ARMH3: variants seen among roughly 807,000 people sequenced by gnomAD.
ARMH3 encodes the protein armadillo-like helical domain-containing protein 3.
A neutral mutation model predicts 99.1 loss-of-function variants in ARMH3; 60 were observed. The observed-to-expected ratio is 0.61, with a 90% CI of 0.49 to 0.75. The LOEUF (loss-of-function observed/expected upper bound fraction) is 0.75, where lower values mean the gene tolerates loss of function less well. Ranked by LOEUF, ARMH3 falls within the 30% of genes least tolerant of loss-of-function variation. The pLI, the probability that ARMH3 is intolerant of heterozygous loss-of-function variation, is 0.00. For synonymous variants in ARMH3, 285 were observed against 292.8 expected (o/e 0.97, Z 0.27); for missense variants, 679 against 843.1 (o/e 0.81, Z 2.41).
rs752572044 is a variant in ARMH3 at position 102,006,544 on chromosome 10, A to C, written c.1044T>G (p.Ser348=). The C allele has an allele frequency of 5.6e-6, 9 of 1,613,436 alleles. No homozygotes were observed. In the African/African-American group the frequency reaches 1.1e-4, roughly 19 times the overall value. Residue 348 remains serine (S), a synonymous_variant, in exon 14 of 26, where the codon TCT becomes TCG. Transcript: ENST00000370033. ...ACAAAGTGGTGGTGGGCTCACCATC[A>C]GAGGAAGGCGGTGTGGTCCCAAGTG... The part of the protein sequence containing the change: ...VTPLGTTPPS[S]DVISSVELPL...
chr10:101,913,597 C>T (rs1177985138), intron 23 of ARMH3, among the ~76,000 whole-genome samples: 2 of 152,110 alleles, frequency 1.3e-5, no homozygotes, highest in African/African-American at 4.8e-5. Flanking sequence ...AACTCCTGGG[C>T]TCAAGTGATC....
chr10:101,976,325 G>A (rs1284545417), intron 19 of ARMH3, among the ~76,000 whole-genome samples: 1 of 150,172 alleles, frequency 6.7e-6, no homozygotes, highest in Admixed American at 6.6e-5. Context: ...GAGCGAAAGG[G>A]CAAGACTGTC....
At chr10:101,913,644 G>T (rs1254414275) in intron 23 of ARMH3, among the ~76,000 whole-genome samples, 1 of 152,190 alleles carries the variant, frequency 6.6e-6, no homozygotes, top group African/African-American at 2.4e-5. Context: ...GGGATTATAG[G>T]CGTAAGCCAC....
At chr10:101,998,923 G>C (rs1486973046) in intron 15 of ARMH3, among the ~76,000 whole-genome samples, 1 of 152,118 alleles carries the variant, frequency 6.6e-6, no homozygotes, top group Non-Finnish European at 1.5e-5. Flanking sequence ...AAGTGGAAAT[G>C]GTTTTTTTGT....
Position 101,849,783 on chromosome 10 carries a change from T to G in ARMH3, c.1970A>C (p.Lys657Thr). ...AGGCGGTGGGGCACTCACCAGCTCT[T>G]TGAAGAAGGCAGCTTCCTTGTGCTG... ...SEQHKEAAFFKELVRSISTNV... is the reference protein window; with the variant it reads ...SEQHKEAAFFTELVRSISTNV... Residue 657 changes from lysine to threonine, a missense_variant, in exon 25 of 26, where the codon AAA becomes ACA. Lys to Thr is a moderately conservative substitution (Grantham distance 78). Coordinates refer to ENST00000370033, the MANE Select transcript of ARMH3 (RefSeq NM_024541.3). 6.2e-7 allele frequency: 1 copy of G among 1,613,944 alleles called. No individual in the cohort carries two copies. Among genetic ancestry groups the G allele is most frequent in the African/African-American group, 1.3e-5 (1 of 75,048 alleles).
chr10:102,011,954 T>C (rs374539699), intron 10 of ARMH3, among the ~76,000 whole-genome samples, 171 bp from the exon 11 acceptor site: 3 of 152,200 alleles, frequency 2.0e-5, no homozygotes, highest in East Asian at 3.8e-4. Flanking sequence ...GAGTCACCTG[T>C]CTGCTCTTGA....
chr10:102,050,394 G>A (rs1473565302), intron 1 of ARMH3, among the ~76,000 whole-genome samples: 1 of 152,008 alleles, frequency 6.6e-6, no homozygotes. Context: ...CTTGCAGTAA[G>A]CCGAGATCGC....
intron 2 of ARMH3, among the ~76,000 whole-genome samples, chr10:102,035,503 G>A (rs1226170406): frequency 1.3e-5 from 2 of 152,222 alleles, no homozygotes; most frequent in Non-Finnish European, 2.9e-5. Flanking sequence ...CAACCTCCCT[G>A]CCTGATTCTC....
At chr10:101,983,512 G>T (rs936335031) in intron 19 of ARMH3, among the ~76,000 whole-genome samples, 1 of 152,120 alleles carries the variant, frequency 6.6e-6, no homozygotes, top group Non-Finnish European at 1.5e-5. Context: ...ATCTACCTCA[G>T]CCTCCCAAAG....
At chr10:102,036,409 CG>C (rs914472891) in intron 2 of ARMH3, among the ~76,000 whole-genome samples, 1 of 152,072 alleles carries the variant, frequency 6.6e-6, no homozygotes, top group African/African-American at 2.4e-5. Flanking sequence ...GCCATGATGA[CG>C]ATGGCGGTTT....
chr10:102,030,661 ATC>A (rs2067107308), intron 4 of ARMH3, among the ~76,000 whole-genome samples: 1 of 152,132 alleles, frequency 6.6e-6, no homozygotes, highest in African/African-American at 2.4e-5. Flanking sequence ...GTGAGCCGAG[ATC>A]GCTCCATTGC....
intron 8 of ARMH3, among the ~76,000 whole-genome samples, chr10:102,020,877 GT>G (rs2066870178): frequency 6.7e-6 from 1 of 149,560 alleles, no homozygotes; most frequent in South Asian, 2.1e-4. Context: ...GTCTATAGTA[GT>G]ATACAGTAAT....
At position 101,873,516 on chromosome 10, in the gene ARMH3, C is replaced by T. The variant is rs568529532; in HGVS notation, c.1860+15896G>A. On this transcript the variant is annotated intron_variant, in intron 24 of 25. Coordinates refer to ENST00000370033, the MANE Select transcript of ARMH3 (RefSeq NM_024541.3). ...TAGTTTATATATTATAAAATTCATTCGCTTAAAGTGTACAATTCAATGATT... is the reference window on the plus strand; with the variant it reads ...TAGTTTATATATTATAAAATTCATTTGCTTAAAGTGTACAATTCAATGATT... Among the ~76,000 whole-genome samples, 14 of 152,192 alleles carry T rather than the reference C, an allele frequency of 9.2e-5. No individual in the cohort carries two copies. The South Asian group carries it at 1.2e-3, about 14-fold the overall frequency.
intron 23 of ARMH3, among the ~76,000 whole-genome samples, chr10:101,908,051 A>G (rs1842710735): frequency 6.6e-6 from 1 of 152,152 alleles, no homozygotes; most frequent in Non-Finnish European, 1.5e-5. Context: ...GTAGCTCCTA[A>G]GCATCTGAAA....
chr10:102,028,613 CATT>C (rs917357453), intron 5 of ARMH3, among the ~76,000 whole-genome samples: 11 of 152,090 alleles, frequency 7.2e-5, no homozygotes, highest in African/African-American at 2.7e-4. Context: ...ACCACAAAAA[CATT>C]ATGTGAAGTA....
intron 15 of ARMH3, among the ~76,000 whole-genome samples, chr10:101,996,969 C>T (rs1225732411): frequency 6.6e-6 from 1 of 151,962 alleles, no homozygotes; most frequent in Non-Finnish European, 1.5e-5. Context: ...CAGGGGAAAA[C>T]CCAAGGGAAT....
At chr10:101,872,259 G>C (rs2067148439) in intron 24 of ARMH3, among the ~76,000 whole-genome samples, 1 of 151,916 alleles carries the variant, frequency 6.6e-6, no homozygotes, top group South Asian at 2.1e-4. Context: ...ACGTGTGTGT[G>C]TGTGTGTGTG....
chr10:101,993,886 A>T (rs143514462), intron 16 of ARMH3, among the ~76,000 whole-genome samples: 5 of 152,344 alleles, frequency 3.3e-5, no homozygotes, highest in Non-Finnish European at 5.9e-5. Context: ...GAATGAGAGT[A>T]ATCTGTTTTC....
chr10:101,912,088 T>C (rs1420718196), intron 23 of ARMH3, among the ~76,000 whole-genome samples: 3 of 151,092 alleles, frequency 2.0e-5, no homozygotes, highest in African/African-American at 2.4e-5. Context: ...CACCCATGAA[T>C]GTCCAAAGAA....
Sources: gnomAD v4.1 joint callset for allele counts (sites outside exome capture counted in the v4.1 genomes callset) on GRCh38, gnomAD v4.1.1 for gene constraint, MANE v1.5 for transcripts, NCBI Gene and HGNC (gene_info 2026-07-23, HGNC 2026-07-21) for gene names.